The following PLAC1 variants were observed in gnomAD, a reference collection of about 807,000 sequenced individuals.
The protein encoded by PLAC1 is placenta-specific protein 1.
For synonymous variants in PLAC1, 68 were observed against 62.1 expected (o/e 1.09, Z -0.44); for missense variants, 136 against 163.2 (o/e 0.83, Z 0.91).
chrX:134,748,371 G>A (rs1470624901), intron 1 of PLAC1, among the ~76,000 whole-genome samples: 1 of 108,875 alleles, frequency 9.2e-6, no homozygotes, highest in East Asian at 2.9e-4. Flanking sequence ...GTCACCTTCT[G>A]GGCCTTACCA....
intron 2 of PLAC1, among the ~76,000 whole-genome samples, chrX:134,568,602 G>A (rs2077889866): frequency 9.0e-6 from 1 of 111,535 alleles, no homozygotes; most frequent in African/African-American, 3.3e-5. Context: ...CTTCTGAAAT[G>A]TCTCTTCTGG....
chrX:134,758,988 A>T (rs908148080), intron 1 of PLAC1, among the ~76,000 whole-genome samples: 1 of 111,975 alleles, frequency 8.9e-6, no homozygotes, highest in African/African-American at 3.2e-5. Context: ...TCTTAAAAGA[A>T]AACATACAAA....
intron 2 of PLAC1, among the ~76,000 whole-genome samples, chrX:134,678,250 G>A (rs1016287946): frequency 1.8e-5 from 2 of 111,763 alleles, no homozygotes; most frequent in South Asian, 3.8e-4. Context: ...AACACCCTGC[G>A]TGCTCTGGTT....
chrX:134,750,136 A>T (rs765580709), intron 1 of PLAC1, among the ~76,000 whole-genome samples: 39 of 112,289 alleles, frequency 3.5e-4, no homozygotes, highest in African/African-American at 1.2e-3. Flanking sequence ...GGATATACTC[A>T]AACATAACTT....
chrX:134,694,379 T>C (rs892343600), intron 2 of PLAC1, among the ~76,000 whole-genome samples: 1 of 112,051 alleles, frequency 8.9e-6, no homozygotes, highest in Non-Finnish European at 1.9e-5. Context: ...CCTGTTGGCA[T>C]CCTCTGTGCT....
chrX:134,583,408 G>GTTTTTT (rs2077984340), intron 2 of PLAC1, among the ~76,000 whole-genome samples: 1 of 78,478 alleles, frequency 1.3e-5, no homozygotes, highest in African/African-American at 5.0e-5. Flanking sequence ...TTTTTTTTTG[G>GTTTTTT]CTTACGTCTA....
intron 2 of PLAC1, among the ~76,000 whole-genome samples, chrX:134,709,328 G>C (rs2078620604): frequency 8.9e-6 from 1 of 112,334 alleles, no homozygotes; most frequent in South Asian, 3.7e-4. Context: ...TAATGTCATG[G>C]CATTAAAACA....
rs192092822 is a variant in PLAC1 at position 134,715,133 on chromosome X, G to A, written n.174+18302C>T. Among the ~76,000 whole-genome samples the A allele has an allele frequency of 2.5e-3, 280 of 111,887 alleles. 1 individual carries two copies. The highest frequency in any genetic ancestry group is 4.1e-3 in the Non-Finnish European group (218 of 53,203). ...TCCTCACAACAATGCAGTGAGGTAG[G>A]TGTTATCCTCATTTGACAGAAGGTT... On this transcript the variant is annotated intron_variant and non_coding_transcript_variant, in intron 2 of 2. Coordinates refer to the PLAC1 transcript ENST00000466797.
intron 1 of PLAC1, chrX:134,651,108 T>A (rs2078360312): frequency 3.6e-6 from 1 of 274,812 alleles, no homozygotes; most frequent in Admixed American, 3.4e-5. Flanking sequence ...GCATGTTGTC[T>A]TTATTGCTCA....
intron 1 of PLAC1, among the ~76,000 whole-genome samples, chrX:134,733,884 T>C (rs1190900849): frequency 9.1e-6 from 1 of 109,791 alleles, no homozygotes; most frequent in Non-Finnish European, 1.9e-5. Context: ...TGCCCTTCCC[T>C]TAGAAAAAAA....
At chrX:134,720,749 G>T (rs1455774481) in intron 2 of PLAC1, among the ~76,000 whole-genome samples, 1 of 112,325 alleles carries the variant, frequency 8.9e-6, no homozygotes, top group African/African-American at 3.2e-5. Context: ...TTGACCTCCC[G>T]GGCTCAAGCC....
In PLAC1 at chrX:134,616,785, T is replaced by C. The variant is rs1228181912; in HGVS notation, c.-130-14663A>G. ...GATTACATCAAATCTGAATATCACT[T>C]TTTTTTTTTAGACAGAGTCTCGCTC... On this transcript the variant is annotated intron_variant, in intron 1 of 2. Transcript: ENST00000359237. Among the ~76,000 whole-genome samples, 4 of 106,376 alleles carry C rather than the reference T, an allele frequency of 3.8e-5. No homozygotes were observed. The East Asian group carries it at 1.2e-3, about 32-fold the overall frequency. The allele number at this position is 106,376 out of a possible 115,157, so 92.4% of individuals were successfully genotyped here.
chrX:134,569,405 C>T (rs771179946), intron 2 of PLAC1, among the ~76,000 whole-genome samples: 3 of 111,268 alleles, frequency 2.7e-5, no homozygotes, highest in Admixed American at 9.6e-5. Flanking sequence ...AATTTGAACA[C>T]GGCAGAATCT....
chrX:134,678,779 T>C (rs1437582279), intron 2 of PLAC1, among the ~76,000 whole-genome samples: 2 of 111,865 alleles, frequency 1.8e-5, no homozygotes, highest in Non-Finnish European at 3.8e-5. Flanking sequence ...CCTGTGAACA[T>C]GACTTTTTTG....
At chrX:134,676,267 G>A (rs753183211) in intron 2 of PLAC1, among the ~76,000 whole-genome samples, 2 of 111,340 alleles carry the variant, frequency 1.8e-5, no homozygotes, top group Non-Finnish European at 3.8e-5. Flanking sequence ...TCTCTCAGTG[G>A]GGGCTGGCGG....
intron 2 of PLAC1, among the ~76,000 whole-genome samples, chrX:134,708,259 G>A (rs2078613965): frequency 9.0e-6 from 1 of 111,665 alleles, no homozygotes; most frequent in South Asian, 3.7e-4. Context: ...TCAGATGAAG[G>A]AAAACTAACA....
intron 1 of PLAC1, among the ~76,000 whole-genome samples, chrX:134,756,341 T>A (rs1569415422): frequency 1.0e-5 from 1 of 98,078 alleles, no homozygotes; most frequent in Non-Finnish European, 2.1e-5. Context: ...TGCCTATATG[T>A]TTTTTTTTTT....
intron 1 of PLAC1, among the ~76,000 whole-genome samples, chrX:134,640,346 G>A (rs1433117204): frequency 1.8e-5 from 2 of 111,007 alleles, no homozygotes; most frequent in African/African-American, 6.6e-5. Flanking sequence ...TGTTTCTGGG[G>A]GGTCCAATCA....
Position 134,740,173 on chromosome X carries a change from C to T in PLAC1, n.90-6654G>A, listed in dbSNP as rs761611806. ...TCTCTACTAAAAATACAAAATTAGC[C>T]GGGCGTGGTGGTGCATGTCTGTAAT... On this transcript the variant is annotated intron_variant and non_coding_transcript_variant, in intron 1 of 2. Transcript: ENST00000466797. Among the ~76,000 whole-genome samples the T allele has an allele frequency of 9.8e-4, 108 of 109,852 alleles. 1 individual carries two copies. The highest frequency in any genetic ancestry group is 3.4e-3 in the African/African-American group (102 of 30,196).
Sources: allele counts gnomAD v4.1 joint callset (sites outside exome capture counted in the v4.1 genomes callset), GRCh38; gene constraint gnomAD v4.1.1; transcripts MANE v1.5; gene names NCBI Gene and HGNC (gene_info 2026-07-23, HGNC 2026-07-21).